Variants in PANK1 observed in about 807,000 individuals in gnomAD.
PANK1 encodes the protein pantothenate kinase 1.
In PANK1, 18 loss-of-function variants were observed where a neutral mutation model predicts 40.1. The observed-to-expected ratio is 0.45, with a 90% CI of 0.31 to 0.67. The LOEUF is 0.67. Ranked by LOEUF, PANK1 falls within the 30% of genes least tolerant of loss-of-function variation. The probability of loss-of-function intolerance (pLI) is 0.06; values close to 1 mark genes in which losing one functional copy is unlikely to be tolerated. For missense variants in PANK1, 457 were observed against 599.6 expected (o/e 0.76, Z 2.48); for synonymous variants, 242 against 237.7 (o/e 1.02, Z -0.17).
chr10:89,602,098 T>C (rs1209495362), intron 2 of PANK1, among the ~76,000 whole-genome samples: 2 of 152,238 alleles, frequency 1.3e-5, no homozygotes, highest in Non-Finnish European at 2.9e-5. Context: ...CTTGGAAGTA[T>C]AGGTTAACTG....
intron 1 of PANK1, among the ~76,000 whole-genome samples, chr10:89,626,787 G>A (rs1413396108): frequency 2.0e-5 from 3 of 152,132 alleles, no homozygotes; most frequent in Admixed American, 6.5e-5. Context: ...ACCTTCTAAT[G>A]CCCGGCACTA....
At chr10:89,606,128 G>A (rs538904052) in intron 2 of PANK1, among the ~76,000 whole-genome samples, 2 of 152,282 alleles carry the variant, frequency 1.3e-5, no homozygotes, top group East Asian at 3.9e-4. Context: ...CATTCGTAAA[G>A]CACAGGTAGA....
intron 1 of PANK1, among the ~76,000 whole-genome samples, chr10:89,626,992 C>T (rs184798535): frequency 8.5e-4 from 130 of 152,218 alleles, no homozygotes; most frequent in African/African-American, 2.7e-3. Flanking sequence ...CATAACCAGG[C>T]GGAACAACAG....
chr10:89,585,514 C>G (rs189358184), intron 6 of PANK1, among the ~76,000 whole-genome samples: 12 of 152,194 alleles, frequency 7.9e-5, no homozygotes, highest in Admixed American at 7.2e-4. Context: ...CTGCTGCTGT[C>G]TGCTTACATT....
intron 2 of PANK1, among the ~76,000 whole-genome samples, chr10:89,603,308 C>T (rs796277240): frequency 2.0e-5 from 3 of 152,264 alleles, no homozygotes; most frequent in African/African-American, 7.2e-5. Context: ...CCAGTAGGTG[C>T]TGGCTGTAGC....
At position 89,645,110 on chromosome 10, in the gene PANK1, C is replaced by T. The variant is rs112338551; in HGVS notation, c.-219G>A. 2 of 1,473,696 alleles carry T rather than the reference C, an allele frequency of 1.4e-6. No individual in the cohort carries two copies. Among genetic ancestry groups the T allele is most frequent in the Non-Finnish European group, 1.8e-6 (2 of 1,119,628 alleles). The allele number at this position is 1,473,696 out of a possible 1,614,324, so 91.3% of individuals were successfully genotyped here. A position where few individuals can be genotyped will look rare whatever the true frequency, so the allele number is the denominator to read the frequency against. On this transcript the variant is annotated 5_prime_UTR_variant, in exon 1 of 7. Transcript: ENST00000307534. ...CCCCCGCGCGCCGGCCCCACGGCGC[C>T]GGCCTGGAGCACGCCAGCCCCGGGC...
chr10:89,643,892 T>G, intron 1 of PANK1: 1 of 1,417,486 alleles, frequency 7.1e-7, no homozygotes, highest in Non-Finnish European at 9.2e-7. Context: ...GCACTTCGGC[T>G]TTCTCCGGTG....
chr10:89,592,572 T>C (rs1036360255), intron 5 of PANK1, among the ~76,000 whole-genome samples: 1 of 152,256 alleles, frequency 6.6e-6, no homozygotes, highest in Non-Finnish European at 1.5e-5. Context: ...CCTGTCTTTC[T>C]AATATACCTC....
chr10:89,603,515 A>C (rs1844848312), intron 2 of PANK1, among the ~76,000 whole-genome samples: 1 of 152,166 alleles, frequency 6.6e-6, no homozygotes, highest in African/African-American at 2.4e-5. Flanking sequence ...TTAAGCAAGG[A>C]AGCTATCACT....
At chr10:89,623,909 G>C (rs186213314) in intron 1 of PANK1, among the ~76,000 whole-genome samples, 1 of 152,316 alleles carries the variant, frequency 6.6e-6, no homozygotes, top group East Asian at 1.9e-4. Context: ...CACGGCCAGG[G>C]CAAAAACTGT....
chr10:89,636,152 C>A (rs1841799954), intron 1 of PANK1, among the ~76,000 whole-genome samples: 1 of 152,118 alleles, frequency 6.6e-6, no homozygotes, highest in Admixed American at 6.5e-5. Context: ...CTAGGCATTG[C>A]TCTAGGAGAC....
chr10:89,628,920 G>A (rs944736923), intron 1 of PANK1, among the ~76,000 whole-genome samples: 2 of 152,092 alleles, frequency 1.3e-5, no homozygotes, highest in African/African-American at 4.8e-5. Flanking sequence ...GCTATGGTTT[G>A]AATCTTCTTT....
intron 1 of PANK1, among the ~76,000 whole-genome samples, chr10:89,622,840 A>G (rs1845533173): frequency 6.6e-6 from 1 of 152,146 alleles, no homozygotes; most frequent in Non-Finnish European, 1.5e-5. Flanking sequence ...CCATTCCAAA[A>G]AAAAAAAAAA....
chr10:89,596,996 A>G (rs1363049100), intron 3 of PANK1, among the ~76,000 whole-genome samples: 3 of 152,234 alleles, frequency 2.0e-5, no homozygotes, highest in Non-Finnish European at 2.9e-5. Context: ...CAACAAAATT[A>G]TATATAACAC....
intron 1 of PANK1, among the ~76,000 whole-genome samples, chr10:89,636,787 C>G (rs1415697563): frequency 6.6e-6 from 1 of 151,622 alleles, no homozygotes; most frequent in Non-Finnish European, 1.5e-5. Context: ...TGTCTGTAGA[C>G]TTAACACCAC....
chr10:89,605,037 C>T (rs1294150512), intron 2 of PANK1, among the ~76,000 whole-genome samples: 1 of 150,588 alleles, frequency 6.6e-6, no homozygotes, highest in Non-Finnish European at 1.5e-5. Flanking sequence ...AGGTGTGAGC[C>T]ACCAAGCCCA....
At chr10:89,587,181 T>A (rs889976229) in intron 6 of PANK1, among the ~76,000 whole-genome samples, 19 of 152,190 alleles carry the variant, frequency 1.2e-4, no homozygotes, top group Admixed American at 3.9e-4. Context: ...CTCCATTTCC[T>A]TTGTAAAGAG....
chr10:89,612,647 T>C (rs1320296710), intron 1 of PANK1, among the ~76,000 whole-genome samples: 1 of 152,180 alleles, frequency 6.6e-6, no homozygotes, highest in East Asian at 1.9e-4. Context: ...AGAGAGGAAG[T>C]AGACTATGAG....
Position 89,584,206 on chromosome 10 carries a change from T to C in PANK1, c.*200A>G. 6.0e-6 allele frequency: 3 copies of C among 502,260 alleles called. No homozygotes were observed. The highest frequency in any genetic ancestry group is 1.1e-5 in the Non-Finnish European group (3 of 280,184). 31.1% of individuals were successfully genotyped at this position (502,260 alleles called of 1,614,324 possible). ...ATACAGTATACAGAAAAAAAACCTTTTATATTCCCCCGTTTTGAATCATTA... is the reference window on the plus strand; with the variant it reads ...ATACAGTATACAGAAAAAAAACCTTCTATATTCCCCCGTTTTGAATCATTA... On this transcript the variant is annotated 3_prime_UTR_variant, in exon 7 of 7. Transcript: ENST00000307534.
Sources: allele counts gnomAD v4.1 joint callset (sites outside exome capture counted in the v4.1 genomes callset), GRCh38; gene constraint gnomAD v4.1.1; transcripts MANE v1.5; gene names NCBI Gene and HGNC (gene_info 2026-07-23, HGNC 2026-07-21).